The following TTC29 variants were observed in gnomAD, a reference collection of about 807,000 sequenced individuals.
TTC29 encodes the protein tetratricopeptide repeat domain 29.
TTC29 carries 49 observed loss-of-function variants against 58.1 expected under a neutral mutation model. The observed-to-expected ratio is 0.84, with a 90% CI of 0.67 to 1.07. The LOEUF is 1.07. Among genes scored for constraint, TTC29 ranks in the 50% least tolerant of loss-of-function variants. TTC29 has a pLI of 0.00. For missense variants in TTC29, 582 were observed against 555.6 expected, an observed-to-expected ratio of 1.05 and a Z score of -0.48; for synonymous variants, 209 against 196.8, an observed-to-expected ratio of 1.06 and a Z score of -0.52.
At chr4:146,871,621 C>T (rs142681237) in intron 7 of TTC29, among the ~76,000 whole-genome samples, 18 of 151,580 alleles carry the variant, frequency 1.2e-4, no homozygotes, top group African/African-American at 2.9e-4. Context: ...AGGTTATGAA[C>T]GATCTGAAAA....
At chr4:146,801,758 T>C (rs912680557) in intron 11 of TTC29, among the ~76,000 whole-genome samples, 2 of 151,858 alleles carry the variant, frequency 1.3e-5, no homozygotes, top group Non-Finnish European at 2.9e-5. Context: ...GGGTAGATCA[T>C]GCGATCAGGA....
At chr4:146,908,866 T>C (rs1235951175) in intron 5 of TTC29, among the ~76,000 whole-genome samples, 160 bp downstream of exon 5, 2 of 152,314 alleles carry the variant, frequency 1.3e-5, no homozygotes, top group South Asian at 4.1e-4. Flanking sequence ...TGATCCAACA[T>C]TCCCTTTCCT....
At chr4:146,879,755 G>C (rs926103680) in intron 6 of TTC29, among the ~76,000 whole-genome samples, 1 of 152,132 alleles carries the variant, frequency 6.6e-6, no homozygotes, top group Non-Finnish European at 1.5e-5. Context: ...GAATTATCAA[G>C]TGTTGACATT....
intron 11 of TTC29, among the ~76,000 whole-genome samples, chr4:146,707,911 T>C (rs1455156543): frequency 1.3e-5 from 2 of 152,062 alleles, no homozygotes; most frequent in Non-Finnish European, 1.5e-5. Context: ...CTGGTTATCT[T>C]AGGATACTTT....
chr4:146,815,550 T>C (rs963997966), intron 10 of TTC29, among the ~76,000 whole-genome samples: 3 of 152,158 alleles, frequency 2.0e-5, no homozygotes, highest in Admixed American at 1.3e-4. Context: ...TGGAAGTCAC[T>C]GGCATATGGA....
intron 2 of TTC29, among the ~76,000 whole-genome samples, chr4:146,940,107 G>A (rs1181343716): frequency 6.6e-6 from 1 of 151,946 alleles, no homozygotes; most frequent in African/African-American, 2.4e-5. Flanking sequence ...TCTGCTTTTT[G>A]GCCAACTTAT....
intron 11 of TTC29, among the ~76,000 whole-genome samples, chr4:146,717,643 G>A (rs1163666201): frequency 6.6e-6 from 1 of 151,950 alleles, no homozygotes; most frequent in Non-Finnish European, 1.5e-5. Context: ...ATATATTTAT[G>A]GGGTACAAAG....
At chr4:146,900,204 C>T (rs1376246520) in intron 6 of TTC29, among the ~76,000 whole-genome samples, 1 of 152,136 alleles carries the variant, frequency 6.6e-6, no homozygotes, top group African/African-American at 2.4e-5. Flanking sequence ...CACTGACTTA[C>T]TTGTTTTATC....
At chr4:146,889,049 A>G (rs898944184) in intron 6 of TTC29, among the ~76,000 whole-genome samples, 3 of 152,200 alleles carry the variant, frequency 2.0e-5, no homozygotes, top group African/African-American at 7.2e-5. Flanking sequence ...AACAAGGCCA[A>G]GATATACATT....
Position 146,728,849 on chromosome 4 carries a change from A to ATATATATG in TTC29, c.1331-21299_1331-21298insCATATATA, listed in dbSNP as rs1744089169. On this transcript the variant is annotated intron_variant, in intron 11 of 12. Transcript: ENST00000325106. ...TACATATATATACACATATATATGT[A>ATATATATG]TATATATACACATATATATGTGTGT... is the stretch of plus-strand genomic sequence containing the variant. Among the ~76,000 whole-genome samples, 54 of 54,408 alleles carry ATATATATG rather than the reference A, an allele frequency of 9.9e-4. 4 individuals are homozygous for ATATATATG. The highest frequency in any genetic ancestry group is 1.8e-3 in the Non-Finnish European group (44 of 24,374). The allele number at this position is 54,408 out of a possible 152,430, so 35.7% of individuals were successfully genotyped here. A position where few individuals can be genotyped will look rare whatever the true frequency, so the allele number is the denominator to read the frequency against.
At chr4:146,788,842 A>C (rs1749232896) in intron 11 of TTC29, among the ~76,000 whole-genome samples, 1 of 152,140 alleles carries the variant, frequency 6.6e-6, no homozygotes, top group Admixed American at 6.6e-5. Context: ...AACTTTTGGA[A>C]GGGGAAAGGA....
At chr4:146,839,584 C>T (rs1426043238) in intron 8 of TTC29, among the ~76,000 whole-genome samples, 2 of 144,652 alleles carry the variant, frequency 1.4e-5, no homozygotes, top group African/African-American at 5.1e-5. Context: ...AAGTTTTATG[C>T]TATTTTATCA....
chr4:146,725,536 CA>C (rs1310859655), intron 11 of TTC29, among the ~76,000 whole-genome samples: 3 of 151,646 alleles, frequency 2.0e-5, no homozygotes, highest in African/African-American at 7.3e-5. Flanking sequence ...TACCTTGTTT[CA>C]AAAAAACAGT....
chr4:146,707,811 C>A (rs1483510317), intron 11 of TTC29, among the ~76,000 whole-genome samples: 2 of 152,040 alleles, frequency 1.3e-5, no homozygotes, highest in Admixed American at 1.3e-4. Flanking sequence ...ATTGAGCTAC[C>A]CTTAAGATTC....
At chr4:146,867,399 C>A in intron 8 of TTC29, 99 bp downstream of exon 8, 1 of 537,948 alleles carries the variant, frequency 1.9e-6, no homozygotes, top group African/African-American at 2.0e-5. Context: ...TATGTCAGGC[C>A]TAACTCATTT....
chr4:146,879,956 T>C (rs1367072932), intron 6 of TTC29, among the ~76,000 whole-genome samples: 2 of 152,130 alleles, frequency 1.3e-5, no homozygotes, highest in Admixed American at 6.6e-5. Context: ...TCATCATCAC[T>C]GTGAGTAACC....
chr4:146,816,393 G>C (rs750721807), intron 10 of TTC29, among the ~76,000 whole-genome samples: 13 of 152,098 alleles, frequency 8.5e-5, no homozygotes, highest in Non-Finnish European at 1.6e-4. Flanking sequence ...ATCAAGGAGA[G>C]AGGAGTCAAT....
intron 11 of TTC29, among the ~76,000 whole-genome samples, chr4:146,769,486 T>C (rs1454873066): frequency 6.6e-6 from 1 of 152,024 alleles, no homozygotes; most frequent in Non-Finnish European, 1.5e-5. Flanking sequence ...TAATTCTAGC[T>C]TTTAGATACT....
At chr4:146,719,282 G>A (rs1305756866) in intron 11 of TTC29, among the ~76,000 whole-genome samples, 5 of 148,826 alleles carry the variant, frequency 3.4e-5, no homozygotes, top group African/African-American at 4.9e-5. Flanking sequence ...GAAAAATGAC[G>A]TTAAATCTCT....
Sources: allele counts gnomAD v4.1 joint callset (sites outside exome capture counted in the v4.1 genomes callset), GRCh38; gene constraint gnomAD v4.1.1; transcripts MANE v1.5; gene names NCBI Gene and HGNC (gene_info 2026-07-23, HGNC 2026-07-21).